OSBPL10: variants seen among roughly 807,000 people sequenced by gnomAD.
The protein encoded by OSBPL10 is oxysterol binding protein like 10.
OSBPL10 carries 49 observed loss-of-function variants against 81.7 expected under a neutral mutation model. That is an observed-to-expected ratio of 0.60 (90% CI 0.48 to 0.76). The LOEUF is 0.76. Among genes scored for constraint, OSBPL10 ranks in the 30% least tolerant of loss-of-function variants. OSBPL10 has a pLI of 0.00. For missense variants in OSBPL10, 923 were observed against 987.8 expected, an observed-to-expected ratio of 0.93 and a Z score of 0.88; for synonymous variants, 419 against 383.6, an observed-to-expected ratio of 1.09 and a Z score of -1.08.
intron 6 of OSBPL10, among the ~76,000 whole-genome samples, chr3:31,716,509 G>A (rs1047247304): frequency 3.9e-5 from 6 of 152,284 alleles, no homozygotes; most frequent in African/African-American, 1.4e-4. Flanking sequence ...CTGCTCTAAT[G>A]ATCCCCGGCC....
intron 4 of OSBPL10, among the ~76,000 whole-genome samples, chr3:31,801,585 C>G (rs538859806): frequency 1.3e-5 from 2 of 152,188 alleles, no homozygotes; most frequent in Non-Finnish European, 2.9e-5. Flanking sequence ...CTGCAGGAAC[C>G]AAATCTCTAG....
chr3:31,829,163 G>A (rs781357258), intron 4 of OSBPL10, among the ~76,000 whole-genome samples: 72 of 152,222 alleles, frequency 4.7e-4, no homozygotes, highest in African/African-American at 1.2e-3. Flanking sequence ...TGTGTGACAC[G>A]GAGGAAGAGC....
chr3:31,912,722 T>C lies in OSBPL10; in HGVS notation c.282-32892A>G, dbSNP rs898220213. On this transcript the variant is annotated intron_variant, in intron 1 of 11. Coordinates refer to ENST00000396556, the MANE Select transcript of OSBPL10 (RefSeq NM_017784.5). ...CCTCAATAAAGCTGTCGTAGAGTGATAGAATTTCGGCACTGAAAGGGACCT... is the reference window on the plus strand; with the variant it reads ...CCTCAATAAAGCTGTCGTAGAGTGACAGAATTTCGGCACTGAAAGGGACCT... Among the ~76,000 whole-genome samples, 20 of 152,156 alleles carry C rather than the reference T, an allele frequency of 1.3e-4. 1 individual carries two copies. The highest frequency in any genetic ancestry group is 1.5e-5 in the Non-Finnish European group (1 of 68,028).
At chr3:31,866,785 A>G (rs74922368) in intron 3 of OSBPL10, among the ~76,000 whole-genome samples, 4,315 of 152,224 alleles carry the variant, frequency 0.028, 110 homozygotes, top group South Asian at 0.093. Flanking sequence ...TCTTACTACC[A>G]CAAGGCCACA....
chr3:32,005,316 C>T (rs1451891096), intron 2 of OSBPL10, among the ~76,000 whole-genome samples: 2 of 152,120 alleles, frequency 1.3e-5, no homozygotes, highest in Non-Finnish European at 2.9e-5. Context: ...GAAAGTATTC[C>T]ACAGGTTGTA....
intron 1 of OSBPL10, among the ~76,000 whole-genome samples, chr3:31,882,133 G>A (rs896568730): frequency 1.3e-5 from 2 of 152,196 alleles, no homozygotes; most frequent in Non-Finnish European, 2.9e-5. Context: ...CCCGGCAAGG[G>A]AGCAAGTCGC....
chr3:32,047,812 G>T (rs1206914190), intron 1 of OSBPL10, among the ~76,000 whole-genome samples: 2 of 151,952 alleles, frequency 1.3e-5, no homozygotes, highest in African/African-American at 2.4e-5. Context: ...ACAGGCACCT[G>T]CCACTACGCC....
intron 4 of OSBPL10, among the ~76,000 whole-genome samples, chr3:31,809,842 G>C (rs1575559156): frequency 6.9e-6 from 1 of 144,368 alleles, no homozygotes; most frequent in Admixed American, 6.8e-5. Context: ...ACCAGCCCAA[G>C]AAAATGTCAA....
At chr3:32,057,401 C>A (rs185818851) in intron 1 of OSBPL10, among the ~76,000 whole-genome samples, 5 of 152,212 alleles carry the variant, frequency 3.3e-5, no homozygotes, top group Admixed American at 2.0e-4. Context: ...TGTATTAGTC[C>A]ATTTTCATAC....
At chr3:31,804,789 T>C (rs1398756077) in intron 4 of OSBPL10, among the ~76,000 whole-genome samples, 1 of 152,234 alleles carries the variant, frequency 6.6e-6, no homozygotes, top group East Asian at 1.9e-4. Context: ...AAAATTAAGC[T>C]TTTTCAGAAG....
intron 1 of OSBPL10, among the ~76,000 whole-genome samples, chr3:31,917,330 C>T (rs902997775): frequency 2.0e-5 from 3 of 152,104 alleles, no homozygotes; most frequent in Admixed American, 1.3e-4. Flanking sequence ...AAGCTATTAA[C>T]GAGGTGTCTT....
At chr3:31,966,401 A>G (rs1180419368) in intron 1 of OSBPL10, among the ~76,000 whole-genome samples, 6 of 151,858 alleles carry the variant, frequency 4.0e-5, no homozygotes, top group Non-Finnish European at 7.4e-5. Context: ...TTAGGAAACT[A>G]AAAAACTATA....
chr3:31,768,938 C>T (rs1297541887), intron 4 of OSBPL10, among the ~76,000 whole-genome samples: 2 of 152,148 alleles, frequency 1.3e-5, no homozygotes, highest in East Asian at 3.9e-4. Flanking sequence ...ACCATTTTTG[C>T]CCATTCCATT....
chr3:31,696,409 A>G (rs555484473), intron 7 of OSBPL10, among the ~76,000 whole-genome samples: 13 of 152,342 alleles, frequency 8.5e-5, no homozygotes, highest in African/African-American at 2.9e-4. Flanking sequence ...TCCTTTAAAG[A>G]GCTATCTTTA....
chr3:31,971,890 G>A (rs73823913), intron 1 of OSBPL10, among the ~76,000 whole-genome samples: 5,560 of 152,216 alleles, frequency 0.037, 277 homozygotes, highest in African/African-American at 0.11. Context: ...AGAAAAGTCT[G>A]CTCCCCTCTG....
chr3:31,977,291 C>T (rs1325424581), intron 1 of OSBPL10, among the ~76,000 whole-genome samples: 2 of 152,294 alleles, frequency 1.3e-5, no homozygotes, highest in East Asian at 3.9e-4. Flanking sequence ...CCCTTCTCTC[C>T]AGTTCTCTGC....
intron 1 of OSBPL10, among the ~76,000 whole-genome samples, chr3:31,972,525 G>A (rs562683572): frequency 6.9e-6 from 1 of 145,392 alleles, no homozygotes; most frequent in South Asian, 2.1e-4. Flanking sequence ...CTGCAGAGAC[G>A]GCTGAGTGAG....
intron 1 of OSBPL10, among the ~76,000 whole-genome samples, chr3:31,932,471 C>T (rs1052058257): frequency 1.3e-5 from 2 of 152,178 alleles, no homozygotes; most frequent in African/African-American, 2.4e-5. Context: ...AGAAGATATA[C>T]AATTTATTTC....
At chr3:31,818,567 C>T (rs898547566) in intron 4 of OSBPL10, among the ~76,000 whole-genome samples, 4 of 152,278 alleles carry the variant, frequency 2.6e-5, no homozygotes, top group African/African-American at 7.2e-5. Flanking sequence ...AGGAGCCCAA[C>T]GGTCTGTGAC....
Sources: allele counts gnomAD v4.1 joint callset (sites outside exome capture counted in the v4.1 genomes callset), GRCh38; gene constraint gnomAD v4.1.1; transcripts MANE v1.5; gene names NCBI Gene and HGNC (gene_info 2026-07-23, HGNC 2026-07-21).